SPATA16: variants seen among roughly 807,000 people sequenced by gnomAD.
The protein encoded by SPATA16 is spermatogenesis-associated protein 16.
In SPATA16, 36 loss-of-function variants were observed where a neutral mutation model predicts 63.3. The observed-to-expected ratio is 0.57, with a 90% confidence interval of 0.44 to 0.75. The LOEUF (loss-of-function observed/expected upper bound fraction) is 0.75, where lower values mean the gene tolerates loss of function less well. Among genes scored for constraint, SPATA16 ranks in the 30% least tolerant of loss-of-function variants. The pLI is 0.00. For synonymous variants in SPATA16, 203 were observed against 216.7 expected (o/e 0.94, Z 0.56); for missense variants, 646 against 679.3 (o/e 0.95, Z 0.54).
At chr3:172,999,133 G>T (rs867610201) in intron 4 of SPATA16, among the ~76,000 whole-genome samples, 10 of 151,986 alleles carry the variant, frequency 6.6e-5, no homozygotes, top group African/African-American at 2.2e-4. Context: ...TTCCTTATGT[G>T]TTTGTTAGAA....
intron 5 of SPATA16, among the ~76,000 whole-genome samples, chr3:172,961,020 C>T (rs1577107638): frequency 2.3e-5 from 1 of 43,264 alleles, no homozygotes; most frequent in Non-Finnish European, 6.1e-5. Context: ...CTTTCTTTTT[C>T]TCTCTTTCTC....
intron 6 of SPATA16, among the ~76,000 whole-genome samples, chr3:172,931,629 C>G (rs886374405): frequency 9.9e-5 from 15 of 152,082 alleles, no homozygotes; most frequent in Admixed American, 2.6e-4. Flanking sequence ...ACATACATTC[C>G]CAAATCTTGA....
At chr3:173,010,061 G>A (rs1002546422) in intron 4 of SPATA16, among the ~76,000 whole-genome samples, 1 of 152,104 alleles carries the variant, frequency 6.6e-6, no homozygotes, top group Non-Finnish European at 1.5e-5. Flanking sequence ...TTCATTTTTC[G>A]ACTGCCACGC....
At chr3:173,112,160 C>T (rs73880447) in intron 2 of SPATA16, among the ~76,000 whole-genome samples, 4,004 of 152,208 alleles carry the variant, frequency 0.026, 194 homozygotes, top group African/African-American at 0.091. Flanking sequence ...TTTTATGGAT[C>T]CTTGAAATGC....
At chr3:172,917,127 C>T (rs1732511278) in intron 8 of SPATA16, among the ~76,000 whole-genome samples, 1 of 152,134 alleles carries the variant, frequency 6.6e-6, no homozygotes, top group African/African-American at 2.4e-5. Context: ...GGACTGCCAA[C>T]TCCCATGGCA....
intron 1 of SPATA16, among the ~76,000 whole-genome samples, chr3:173,139,408 C>T (rs1420079303): frequency 6.6e-6 from 1 of 152,090 alleles, no homozygotes; most frequent in African/African-American, 2.4e-5. Context: ...GCAAGCTCTT[C>T]GTGAGTGCAA....
At chr3:173,052,511 A>T (rs1376215798) in intron 2 of SPATA16, among the ~76,000 whole-genome samples, 1 of 152,176 alleles carries the variant, frequency 6.6e-6, no homozygotes, top group Admixed American at 6.6e-5. Flanking sequence ...TGCTTTATTT[A>T]TTCTCTTCCA....
At chr3:173,137,805 G>T (rs1205305305) in intron 1 of SPATA16, among the ~76,000 whole-genome samples, 1 of 142,000 alleles carries the variant, frequency 7.0e-6, no homozygotes, top group Admixed American at 7.4e-5. Flanking sequence ...GCTCTGAGGG[G>T]GATCCCATGG....
chr3:173,030,088 A>G lies in SPATA16; in HGVS notation c.759-10513T>C, dbSNP rs1343357308. 3.3e-5 allele frequency among the ~76,000 whole-genome samples: 5 copies of G among 151,556 alleles called. No individual in the cohort carries two copies. The South Asian group carries it at 1.0e-3, about 32-fold the overall frequency. On this transcript the variant is annotated intron_variant, in intron 3 of 10. Coordinates refer to ENST00000351008, the MANE Select transcript of SPATA16 (RefSeq NM_031955.6). ...TATCTATCTATCTATCTATCTATCT[A>G]TCTATCTATCTATCTACCCACCCAC...
chr3:173,028,500 A>T (rs552545021), intron 3 of SPATA16, among the ~76,000 whole-genome samples: 62 of 152,118 alleles, frequency 4.1e-4, no homozygotes, highest in African/African-American at 1.5e-3. Context: ...GGATGTCGAT[A>T]AAATTTTCAG....
At chr3:172,971,037 A>G (rs1015036638) in intron 5 of SPATA16, among the ~76,000 whole-genome samples, 1 of 152,178 alleles carries the variant, frequency 6.6e-6, no homozygotes, top group Admixed American at 6.5e-5. Flanking sequence ...AATTTATTGT[A>G]CATGATTCTC....
chr3:172,984,489 G>A (rs1734395950), intron 4 of SPATA16, among the ~76,000 whole-genome samples: 1 of 152,218 alleles, frequency 6.6e-6, no homozygotes, highest in Non-Finnish European at 1.5e-5. Flanking sequence ...CTTTGATAAT[G>A]CTCTGGGTTC....
chr3:173,077,126 A>G (rs1466237416), intron 2 of SPATA16, among the ~76,000 whole-genome samples: 1 of 152,208 alleles, frequency 6.6e-6, no homozygotes, highest in African/African-American at 2.4e-5. Flanking sequence ...GATCTGTTCA[A>G]TATCATATGG....
intron 4 of SPATA16, among the ~76,000 whole-genome samples, chr3:172,995,027 C>T (rs1050387773): frequency 6.6e-6 from 1 of 151,932 alleles, no homozygotes; most frequent in Non-Finnish European, 1.5e-5. Flanking sequence ...GGGGAAAGAT[C>T]TGAGAATGTA....
At chr3:172,944,696 A>G (rs1246885297) in intron 6 of SPATA16, among the ~76,000 whole-genome samples, 4 of 152,252 alleles carry the variant, frequency 2.6e-5, no homozygotes, top group African/African-American at 9.6e-5. Context: ...TACAATATGG[A>G]TGAACTTTGA....
chr3:173,017,603 A>T (rs1849388), intron 4 of SPATA16, among the ~76,000 whole-genome samples: 15,676 of 152,184 alleles, frequency 0.1, 1,056 homozygotes, highest in East Asian at 0.14. Flanking sequence ...AGCATTGCTA[A>T]TTTCTCCTAC....
chr3:172,959,439 C>G (rs1335676729), intron 5 of SPATA16, among the ~76,000 whole-genome samples: 1 of 152,206 alleles, frequency 6.6e-6, no homozygotes, highest in Admixed American at 6.5e-5. Flanking sequence ...AGAGCAGCCT[C>G]CCTCTCTCCC....
At chr3:172,940,354 T>C (rs1030329225) in intron 6 of SPATA16, among the ~76,000 whole-genome samples, 1 of 152,226 alleles carries the variant, frequency 6.6e-6, no homozygotes, top group African/African-American at 2.4e-5. Context: ...TGGATAGTTA[T>C]CAGAATTGAA....
At chr3:172,954,264 C>T (rs1733518732) in intron 6 of SPATA16, among the ~76,000 whole-genome samples, 2 of 152,166 alleles carry the variant, frequency 1.3e-5, no homozygotes, top group Non-Finnish European at 2.9e-5. Context: ...TACATGGCAG[C>T]AGGCAGGAGA....
Sources: allele counts gnomAD v4.1 joint callset (sites outside exome capture counted in the v4.1 genomes callset), GRCh38; gene constraint gnomAD v4.1.1; transcripts MANE v1.5; gene names NCBI Gene and HGNC (gene_info 2026-07-23, HGNC 2026-07-21).